The following PRKX variants were observed in gnomAD, a reference collection of about 807,000 sequenced individuals.
PRKX encodes the protein protein kinase cAMP-dependent X-linked catalytic subunit.
Under a neutral mutation model 22.0 loss-of-function variants are expected in PRKX, and 12 were observed. That is an observed-to-expected ratio of 0.54 (90% CI 0.35 to 0.88). The LOEUF is 0.88. PRKX is among the 40% of genes least tolerant of loss of function. The pLI is 0.01. For missense variants in PRKX, 217 were observed against 308.0 expected (o/e 0.70, Z 2.21); for synonymous variants, 134 against 137.7 (o/e 0.97, Z 0.19).
At chrX:3,661,592 T>A (rs1176812059) in intron 2 of PRKX, among the ~76,000 whole-genome samples, 1 of 85,612 alleles carries the variant, frequency 1.2e-5, no homozygotes, top group Non-Finnish European at 2.5e-5. Flanking sequence ...CCAGACCCTA[T>A]CTGGAAAAAA....
rs137864967 is a variant in PRKX, at chrX:3,658,790, C to T, written c.336-3378G>A. On this transcript the variant is annotated intron_variant, in intron 2 of 8. Coordinates refer to ENST00000262848, the MANE Select transcript of PRKX (RefSeq NM_005044.5). Reference sequence around the variant, plus strand: ...CCTGCAAGCTCATTCAAATGAGCTGCACCCCGCTGGTATACAAAGAAAACA... The same window carrying T: ...CCTGCAAGCTCATTCAAATGAGCTGTACCCCGCTGGTATACAAAGAAAACA... Among the ~76,000 whole-genome samples, 253 of 110,749 alleles carry T rather than the reference C, an allele frequency of 2.3e-3. 1 individual carries two copies. The highest frequency in any genetic ancestry group is 8.1e-3 in the African/African-American group (246 of 30,392).
chrX:3,677,237 A>G lies in PRKX; in HGVS notation c.167-2471T>C, dbSNP rs773398441. Among the ~76,000 whole-genome samples the G allele has an allele frequency of 5.4e-5, 6 of 111,340 alleles. No individual in the cohort carries two copies. In the East Asian group the frequency reaches 1.7e-3, roughly 31 times the overall value. On this transcript the variant is annotated intron_variant, in intron 1 of 8. Transcript: ENST00000262848. ...TTAACAATACTGAACTGATAAATGA[A>G]ATTTTATATATAAATAGCTCACATA... is the stretch of plus-strand genomic sequence containing the variant.
intron 2 of PRKX, among the ~76,000 whole-genome samples, chrX:3,664,345 T>TC (rs1381602396): frequency 2.7e-5 from 3 of 112,048 alleles, no homozygotes; most frequent in African/African-American, 9.7e-5. Context: ...CGAGCAATTC[T>TC]CCCACCTCAG....
chrX:3,630,538 C>A (rs768767259), intron 4 of PRKX, among the ~76,000 whole-genome samples: 2 of 111,309 alleles, frequency 1.8e-5, no homozygotes, highest in Non-Finnish European at 3.8e-5. Flanking sequence ...CCAGCCTGGG[C>A]GACAGAGCAA....
chrX:3,631,426 GC>G (rs1926778465), intron 4 of PRKX, among the ~76,000 whole-genome samples: 1 of 112,398 alleles, frequency 8.9e-6, no homozygotes, highest in African/African-American at 3.2e-5. Context: ...CAGTGATGCG[GC>G]CACAAGCCCA....
intron 8 of PRKX, among the ~76,000 whole-genome samples, chrX:3,610,264 T>C (rs940708067): frequency 3.6e-5 from 4 of 111,637 alleles, no homozygotes; most frequent in African/African-American, 1.3e-4. Flanking sequence ...GCAGATTGCC[T>C]GAGTTCAGGA....
intron 3 of PRKX, among the ~76,000 whole-genome samples, chrX:3,644,657 T>C (rs1276343743): frequency 9.0e-6 from 1 of 111,450 alleles, no homozygotes; most frequent in African/African-American, 3.3e-5. Flanking sequence ...CGCTCTCCCC[T>C]GCCCTGCCCA....
chrX:3,623,565 AAAAAGT>A (rs1161386803), intron 5 of PRKX, among the ~76,000 whole-genome samples: 1 of 111,166 alleles, frequency 9.0e-6, no homozygotes, highest in African/African-American at 3.3e-5. Context: ...TCTTTAAAAG[AAAAAGT>A]AAAATACCAA....
In PRKX at chrX:3,700,233, T is replaced by G. The variant is rs7887045; in HGVS notation, c.166+12855A>C. On this transcript the variant is annotated intron_variant, in intron 1 of 8. Coordinates refer to ENST00000262848, the MANE Select transcript of PRKX (RefSeq NM_005044.5). ...GCTCAGAATCTGTATCAAAATACAA[T>G]GTTTCAGGAAATTCCAGAAACCTAA... 7.9e-3 allele frequency among the ~76,000 whole-genome samples: 889 copies of G among 112,041 alleles called. 5 individuals are homozygous for G. The highest frequency in any genetic ancestry group is 0.028 in the African/African-American group (853 of 30,826).
rs773952884 is a variant in PRKX, at chrX:3,617,602, C to T, written c.874-1710G>A. 5.4e-5 allele frequency among the ~76,000 whole-genome samples: 6 copies of T among 110,190 alleles called. No individual in the cohort carries two copies. The South Asian group carries it at 1.6e-3, about 29-fold the overall frequency. Reference sequence around the variant, plus strand: ...TCAAGGCTGCAGTGAGCTGTGATCGCACCACTGCACTCCAGCCTGGATGAC... The same window carrying T: ...TCAAGGCTGCAGTGAGCTGTGATCGTACCACTGCACTCCAGCCTGGATGAC... On this transcript the variant is annotated intron_variant, in intron 6 of 8. Coordinates refer to ENST00000262848, the MANE Select transcript of PRKX (RefSeq NM_005044.5).
intron 2 of PRKX, among the ~76,000 whole-genome samples, chrX:3,672,639 G>C (rs933309597): frequency 7.2e-5 from 8 of 111,081 alleles, no homozygotes; most frequent in African/African-American, 2.3e-4. Flanking sequence ...GGAGGCGCAG[G>C]GGGTGTGTGT....
At chrX:3,679,154 C>T (rs1281864207) in intron 1 of PRKX, among the ~76,000 whole-genome samples, 2 of 111,580 alleles carry the variant, frequency 1.8e-5, no homozygotes, top group South Asian at 7.5e-4. Flanking sequence ...TTCTAATGAT[C>T]CCGTTGCCCA....
chrX:3,650,218 C>A (rs756530932), intron 3 of PRKX, among the ~76,000 whole-genome samples: 3 of 111,475 alleles, frequency 2.7e-5, no homozygotes, highest in East Asian at 2.8e-4. Flanking sequence ...TATGTTTTTA[C>A]CCCATGCTAT....
chrX:3,651,329 A>G (rs1471342531), intron 3 of PRKX, among the ~76,000 whole-genome samples: 1 of 112,294 alleles, frequency 8.9e-6, no homozygotes, highest in African/African-American at 3.2e-5. Flanking sequence ...GGACAGTAAC[A>G]TGGTTTGTCA....
chrX:3,691,887 T>TGGATGGATGGAC (rs1928334456), intron 1 of PRKX, among the ~76,000 whole-genome samples: 1 of 110,181 alleles, frequency 9.1e-6, no homozygotes, highest in Non-Finnish European at 1.9e-5. Flanking sequence ...GATGGATGGA[T>TGGATGGATGGAC]GGATGGATGG....
chrX:3,679,046 C>G (rs1928019946), intron 1 of PRKX, among the ~76,000 whole-genome samples: 1 of 111,660 alleles, frequency 9.0e-6, no homozygotes, highest in African/African-American at 3.3e-5. Flanking sequence ...CGAGGGAAAT[C>G]AGATGTGGAG....
At chrX:3,619,703 C>T (rs1450635113) in intron 6 of PRKX, among the ~76,000 whole-genome samples, 2 of 111,679 alleles carry the variant, frequency 1.8e-5, no homozygotes, top group African/African-American at 6.5e-5. Context: ...ACCTTGATCT[C>T]AGACTCCTCG....
rs201341520 is a variant in PRKX at position 3,711,830 on chromosome X, CAG to C, written c.166+1256_166+1257del. Among the ~76,000 whole-genome samples the C allele has an allele frequency of 6.3e-3, 680 of 108,538 alleles. 9 individuals are homozygous for C. Among genetic ancestry groups the C allele is most frequent in the African/African-American group, 0.021 (622 of 29,693 alleles). 94.3% of individuals were successfully genotyped at this position (108,538 alleles called of 115,157 possible). A position where few individuals can be genotyped will look rare whatever the true frequency, so the allele number is the denominator to read the frequency against. On this transcript the variant is annotated intron_variant, in intron 1 of 8. Coordinates refer to ENST00000262848, the MANE Select transcript of PRKX (RefSeq NM_005044.5). Reference sequence around the variant, plus strand: ...ACCAAGAGACAGAGGAGGAGAAATGCAGAGAGACTTGAACAGAGACAGAAAGA... The same window carrying C: ...ACCAAGAGACAGAGGAGGAGAAATGCAGAGACTTGAACAGAGACAGAAAGA...
At chrX:3,654,915 C>T (rs1004805945) in intron 3 of PRKX, among the ~76,000 whole-genome samples, 1 of 111,391 alleles carries the variant, frequency 9.0e-6, no homozygotes, top group Non-Finnish European at 1.9e-5. Flanking sequence ...ATTTCCTCCA[C>T]GGTGCCAGTG....
Sources: gnomAD v4.1 joint callset for allele counts (sites outside exome capture counted in the v4.1 genomes callset) on GRCh38, gnomAD v4.1.1 for gene constraint, MANE v1.5 for transcripts, NCBI Gene and HGNC (gene_info 2026-07-23, HGNC 2026-07-21) for gene names.